Variants in SH3GLB1 observed in about 807,000 individuals in gnomAD.
The protein encoded by SH3GLB1 is endophilin-B1.
In SH3GLB1, 17 loss-of-function variants were observed where a neutral mutation model predicts 42.0. That is an observed-to-expected ratio of 0.40 (90% CI 0.28 to 0.61). The LOEUF is 0.61. Among genes scored for constraint, SH3GLB1 ranks in the 20% least tolerant of loss-of-function variants. The probability of loss-of-function intolerance (pLI) is 0.36; values close to 1 mark genes in which losing one functional copy is unlikely to be tolerated. For missense variants in SH3GLB1, 355 were observed against 426.3 expected (o/e 0.83, Z 1.47); for synonymous variants, 132 against 146.6 (o/e 0.90, Z 0.72).
Position 86,742,321 on chromosome 1 carries a change from T to G in SH3GLB1, c.875T>G (p.Ile292Ser). 2 of 1,614,140 alleles carry G rather than the reference T, an allele frequency of 1.2e-6. No individual in the cohort carries two copies. The highest frequency in any genetic ancestry group is 2.7e-5 in the African/African-American group (2 of 75,038). Residue 292 changes from isoleucine to serine, a missense_variant, in exon 8 of 9, where the codon ATC becomes AGC. Physicochemically the swap from Ile to Ser is moderately radical, Grantham distance 142 (BLOSUM62 -2). Coordinates refer to ENST00000370558, the MANE Select transcript of SH3GLB1 (RefSeq NM_016009.5). Reference sequence around the variant, plus strand: ...ATGGCTTCAACAAGTGGCCTAGTAATCACCTCTCCTTCCAACCTCAGTGAC... The same window carrying G: ...ATGGCTTCAACAAGTGGCCTAGTAAGCACCTCTCCTTCCAACCTCAGTGAC... The part of the protein sequence containing the change: ...SAMASTSGLV[I>S]TSPSNLSDLK...
chr1:86,731,782 T>TTA, intron 5 of SH3GLB1, among the ~76,000 whole-genome samples: 1 of 152,222 alleles, frequency 6.6e-6, no homozygotes, highest in East Asian at 1.9e-4. Flanking sequence ...ATTTTTATAA[T>TTA]TAAAAATGTA....
At position 86,704,805 on chromosome 1, in the gene SH3GLB1, T is replaced by G; in HGVS notation, c.-95T>G. On this transcript the variant is annotated 5_prime_UTR_variant, in exon 1 of 9. Coordinates refer to ENST00000370558, the MANE Select transcript of SH3GLB1 (RefSeq NM_016009.5). ...GCCGCCTCCCTCCACCTACCACGTC[T>G]GCCCTCGCCGCTCTAGCCCTGCGCC... 1 of 696,680 alleles carries G rather than the reference T, an allele frequency of 1.4e-6. No individual in the cohort carries two copies. The highest frequency in any genetic ancestry group is 2.3e-6 in the Non-Finnish European group (1 of 435,884). The allele number at this position is 696,680 out of a possible 1,614,324, so 43.2% of individuals were successfully genotyped here. A position where few individuals can be genotyped will look rare whatever the true frequency, so the allele number is the denominator to read the frequency against.
chr1:86,728,215 GA>G (rs972880283), intron 5 of SH3GLB1, among the ~76,000 whole-genome samples: 7 of 151,754 alleles, frequency 4.6e-5, no homozygotes, highest in African/African-American at 1.5e-4. Flanking sequence ...GAATTTTGGG[GA>G]AAAAAATGAA....
In SH3GLB1 at chr1:86,704,985, G is replaced by A; in HGVS notation, c.72+14G>A. On this transcript the variant is annotated intron_variant, in intron 1 of 8. Transcript: ENST00000370558. ...CGCGCCGTGCAGGTACCCTGGTGCTGGGGGGAAAAGGGGTGGCGGCGCCCG... is the reference window on the plus strand; with the variant it reads ...CGCGCCGTGCAGGTACCCTGGTGCTAGGGGGAAAAGGGGTGGCGGCGCCCG... The A allele has an allele frequency of 6.5e-7, 1 of 1,536,830 alleles. No homozygotes were observed. Among genetic ancestry groups the A allele is most frequent in the African/African-American group, 1.4e-5 (1 of 70,152 alleles).
At chr1:86,728,517 T>A (rs1442746092) in intron 5 of SH3GLB1, 1 of 1,405,770 alleles carries the variant, frequency 7.1e-7, no homozygotes, top group South Asian at 1.3e-5. Context: ...GTTTTCTACA[T>A]CTTGAATAAA....
At chr1:86,734,516 G>A in intron 5 of SH3GLB1, 86 bp from the exon 6 acceptor site, 1 of 941,680 alleles carries the variant, frequency 1.1e-6, no homozygotes, top group East Asian at 2.6e-5. Context: ...GTTTGTTCGG[G>A]GGATTTTTTT....
intron 6 of SH3GLB1, 90 bp from the exon 7 acceptor site, chr1:86,734,989 C>T: frequency 2.1e-6 from 2 of 932,422 alleles, no homozygotes; most frequent in Non-Finnish European, 3.5e-6. Context: ...GTGAGTCTAC[C>T]TCAGTACAAT....
chr1:86,732,359 C>G (rs1221788528), intron 5 of SH3GLB1, among the ~76,000 whole-genome samples: 1 of 152,200 alleles, frequency 6.6e-6, no homozygotes, highest in Non-Finnish European at 1.5e-5. Flanking sequence ...GGTCTTCTCC[C>G]TAGAGATTTT....
intron 5 of SH3GLB1, chr1:86,730,066 T>C (rs1655421863): frequency 1.3e-6 from 2 of 1,583,042 alleles, no homozygotes; most frequent in Non-Finnish European, 1.7e-6. Context: ...TATATTTTTC[T>C]CTAATTTTTA....
At position 86,745,453 on chromosome 1, in the gene SH3GLB1, TTCTC is replaced by T. The variant is rs970145848; in HGVS notation, c.*2222_*2225del. 3.9e-5 allele frequency: 6 copies of T among 152,230 alleles called. No homozygotes were observed. The highest frequency in any genetic ancestry group is 8.8e-5 in the Non-Finnish European group (6 of 68,058). The allele number at this position is 152,230 out of a possible 1,614,324, so 9.4% of individuals were successfully genotyped here. On this transcript the variant is annotated 3_prime_UTR_variant, in exon 9 of 9. Transcript: ENST00000370558. ...ACCTCTTTTACATCTGGGCTCTGTTTTCTCTCTATCAATCCTATCCTCCACCCTC... is the reference window on the plus strand; with the variant it reads ...ACCTCTTTTACATCTGGGCTCTGTTTTCTATCAATCCTATCCTCCACCCTC...
intron 6 of SH3GLB1, 80 bp downstream of exon 6, chr1:86,734,771 T>C: frequency 1.1e-6 from 1 of 910,396 alleles, no homozygotes; most frequent in Non-Finnish European, 1.7e-6. Flanking sequence ...AAAACTGAAC[T>C]TTTCAGTCAT....
At chr1:86,706,729 A>G (rs914911494) in intron 1 of SH3GLB1, among the ~76,000 whole-genome samples, 8 of 152,120 alleles carry the variant, frequency 5.3e-5, no homozygotes, top group Non-Finnish European at 1.0e-4. Context: ...GTATAATGCT[A>G]CTCTTTTAAA....
chr1:86,714,470 G>A (rs1051459965), intron 1 of SH3GLB1, among the ~76,000 whole-genome samples: 2 of 152,164 alleles, frequency 1.3e-5, no homozygotes, highest in Non-Finnish European at 2.9e-5. Context: ...AAGACCCAAG[G>A]CTTTACAAAA....
chr1:86,733,900 G>A (rs1655644574), intron 5 of SH3GLB1, among the ~76,000 whole-genome samples: 1 of 151,966 alleles, frequency 6.6e-6, no homozygotes. Context: ...TCTTGGGGAA[G>A]AATTTAACAG....
chr1:86,721,937 T>C (rs1397834522), intron 3 of SH3GLB1, among the ~76,000 whole-genome samples: 1 of 152,018 alleles, frequency 6.6e-6, no homozygotes, highest in African/African-American at 2.4e-5. Context: ...TGTAAATAGT[T>C]GTTATGCTGT....
chr1:86,720,020 TAGTAGTAGAATTGGTTTTAACTTCAA>T (rs1427182568), intron 3 of SH3GLB1, among the ~76,000 whole-genome samples: 1 of 123,790 alleles, frequency 8.1e-6, no homozygotes, highest in Admixed American at 8.0e-5. Context: ...AAAAAAAACA[TAGTAGTAGAATTGGTTTTAACTTCAA>T]ATTTATGTTA....
intron 1 of SH3GLB1, 97 bp from the exon 2 acceptor site, chr1:86,715,627 A>T: frequency 8.3e-7 from 1 of 1,202,802 alleles, no homozygotes; most frequent in Non-Finnish European, 1.1e-6. Context: ...TTGTATGTTT[A>T]GGATTGTTTA....
At position 86,724,902 on chromosome 1, in the gene SH3GLB1, T is replaced by TATATATATATATA. The variant is rs1227762213; in HGVS notation, c.570+508_570+509insTAATATATATATA. 1.4e-3 allele frequency among the ~76,000 whole-genome samples: 185 copies of TATATATATATATA among 129,852 alleles called. 1 individual carries two copies. The highest frequency in any genetic ancestry group is 5.9e-3 in the African/African-American group (179 of 30,592). The allele number at this position is 129,852 out of a possible 152,430, so 85.2% of individuals were successfully genotyped here. ...AAAAAAAAAAAAAAAAATATATATATATATATATATAAAATATATAATATA... is the reference window on the plus strand; with the variant it reads ...AAAAAAAAAAAAAAAAATATATATATATATATATATATAATATATATATAAAATATATAATATA... On this transcript the variant is annotated intron_variant, in intron 5 of 8. Coordinates refer to ENST00000370558, the MANE Select transcript of SH3GLB1 (RefSeq NM_016009.5).
At chr1:86,737,724 C>A (rs544733648) in intron 7 of SH3GLB1, among the ~76,000 whole-genome samples, 13 of 152,172 alleles carry the variant, frequency 8.5e-5, no homozygotes, top group African/African-American at 2.9e-4. Context: ...AGCAGAAAAG[C>A]AATATGTATA....
Sources: gnomAD v4.1 joint callset for allele counts (sites outside exome capture counted in the v4.1 genomes callset) on GRCh38, gnomAD v4.1.1 for gene constraint, MANE v1.5 for transcripts, NCBI Gene and HGNC (gene_info 2026-07-23, HGNC 2026-07-21) for gene names.